The following ERO1A variants were observed in gnomAD, a reference collection of about 807,000 sequenced individuals.
The protein encoded by ERO1A is ERO1-like protein alpha.
ERO1A carries 49 observed loss-of-function variants against 76.9 expected under a neutral mutation model. The ratio of observed to expected loss-of-function variants is 0.64; its 90% CI spans 0.51 to 0.81. The LOEUF is 0.81. Ranked by LOEUF, ERO1A falls within the 30% of genes least tolerant of loss-of-function variation. ERO1A has a pLI of 0.00. For synonymous variants in ERO1A, 174 were observed against 181.2 expected (o/e 0.96, Z 0.32); for missense variants, 448 against 542.1 (o/e 0.83, Z 1.72).
chr14:52,686,713 T>C (rs1344090312), intron 1 of ERO1A, among the ~76,000 whole-genome samples: 1 of 151,978 alleles, frequency 6.6e-6, no homozygotes, highest in Non-Finnish European at 1.5e-5. Context: ...CTGTCTCCAC[T>C]AAAAATTCAA....
At chr14:52,668,879 G>A (rs1440078119) in intron 6 of ERO1A, among the ~76,000 whole-genome samples, 1 of 150,626 alleles carries the variant, frequency 6.6e-6, no homozygotes, top group Admixed American at 6.6e-5. Context: ...ATGATGCGCT[G>A]GTTCCTATCA....
intron 11 of ERO1A, among the ~76,000 whole-genome samples, chr14:52,656,583 G>A (rs1013667574): frequency 1.3e-5 from 2 of 151,720 alleles, no homozygotes; most frequent in Admixed American, 1.3e-4. Context: ...GTGGTGGCAT[G>A]CACCTGTGGT....
chr14:52,653,333 T>C lies in ERO1A; in HGVS notation c.809-18A>G. 6.6e-7 allele frequency: 1 copy of C among 1,517,182 alleles called. No individual in the cohort carries two copies. Among genetic ancestry groups the C allele is most frequent in the Non-Finnish European group, 8.9e-7 (1 of 1,124,712 alleles). The allele number at this position is 1,517,182 out of a possible 1,614,324, so 94.0% of individuals were successfully genotyped here. ...CCAGGTCTCTAAGAAGGAAGAAGAA[T>C]TAAATATTAAAAACTGAATTTGACA... is the stretch of plus-strand genomic sequence containing the variant. On this transcript the variant is annotated intron_variant, in intron 11 of 15. Coordinates refer to ENST00000395686, the MANE Select transcript of ERO1A (RefSeq NM_014584.3).
At chr14:52,644,770 G>A (rs1040888495) in intron 15 of ERO1A, among the ~76,000 whole-genome samples, 3 of 151,926 alleles carry the variant, frequency 2.0e-5, no homozygotes, top group Non-Finnish European at 2.9e-5. Flanking sequence ...ACTAATTTTT[G>A]TAAAGTAAAT....
intron 1 of ERO1A, 51 bp from the exon 2 acceptor site, chr14:52,683,958 G>A: frequency 6.9e-7 from 1 of 1,456,082 alleles, no homozygotes; most frequent in Non-Finnish European, 9.2e-7. Flanking sequence ...AATGCAACAG[G>A]GTTCTTTTTC....
rs1160599462 is a variant in ERO1A, at chr14:52,671,696, T to C, written c.442A>G (p.Thr148Ala). 2 of 1,604,162 alleles carry C rather than the reference T, an allele frequency of 1.2e-6. No homozygotes were observed. The highest frequency in any genetic ancestry group is 2.2e-5 in the East Asian group (1 of 44,666). The change falls in exon 6 of 16, where the codon ACA (threonine) becomes GCA (alanine). Residue 148 changes from threonine to alanine, a missense_variant. Physicochemically the swap from Thr to Ala is moderately conservative, Grantham distance 58. Around this residue, in one of 2 missense-constraint regions of ERO1A, gnomAD observed 302 missense variants for 411.9 expected, o/e 0.73. Transcript: ENST00000395686. ...GTCCACTGAAGAACAGCCTTCTGTG[T>C]TTCCTCACTTCAAACAAAGAAAAAA... is the stretch of plus-strand genomic sequence containing the variant. ...GAVDESLSEE[T>A]QKAVLQWTKH...
chr14:52,694,875 C>T (rs1418782616), intron 1 of ERO1A, among the ~76,000 whole-genome samples: 3 of 152,124 alleles, frequency 2.0e-5, no homozygotes, highest in Admixed American at 2.0e-4. Flanking sequence ...GGCTTACACA[C>T]AGAAAAACCG....
chr14:52,661,993 A>G (rs551898967), intron 8 of ERO1A, among the ~76,000 whole-genome samples: 1 of 152,104 alleles, frequency 6.6e-6, no homozygotes, highest in Admixed American at 6.5e-5. Flanking sequence ...ATTTTAGTGA[A>G]TATCTTTTTA....
At chr14:52,653,433 A>T in intron 11 of ERO1A, 118 bp from the exon 12 acceptor site, 1 of 701,114 alleles carries the variant, frequency 1.4e-6, no homozygotes, top group Non-Finnish European at 2.1e-6. Context: ...GTTATATAAT[A>T]ACAACCAAGA....
intron 15 of ERO1A, among the ~76,000 whole-genome samples, 161 bp from the exon 16 acceptor site, chr14:52,643,791 C>A (rs995973938): frequency 6.6e-6 from 1 of 151,962 alleles, no homozygotes. Flanking sequence ...GTTCTTAATT[C>A]GACAAGGTAA....
Position 52,683,034 on chromosome 14 carries a change from C to T in ERO1A, c.235-626G>A, listed in dbSNP as rs367774028. 4.9e-4 allele frequency among the ~76,000 whole-genome samples: 75 copies of T among 152,056 alleles called. 1 individual carries two copies. The East Asian group carries it at 5.8e-3, about 12-fold the overall frequency. On this transcript the variant is annotated intron_variant, in intron 2 of 15. Coordinates refer to ENST00000395686, the MANE Select transcript of ERO1A (RefSeq NM_014584.3). ...ACCAGCCTGGCCAGCACGGCAAAAC[C>T]CCATCTCCACTAAAAATACAAAAAT... is the stretch of plus-strand genomic sequence containing the variant.
At chr14:52,669,756 G>A (rs1439261448) in intron 6 of ERO1A, among the ~76,000 whole-genome samples, 2 of 152,106 alleles carry the variant, frequency 1.3e-5, no homozygotes, top group Non-Finnish European at 2.9e-5. Context: ...TTGGAAATAA[G>A]GAATTATAAC....
At chr14:52,645,367 A>C (rs1017615647) in intron 15 of ERO1A, among the ~76,000 whole-genome samples, 1 of 140,536 alleles carries the variant, frequency 7.1e-6, no homozygotes, top group African/African-American at 2.7e-5. Context: ...CAGTGGTATG[A>C]TCTCGGCTCA....
intron 15 of ERO1A, 123 bp downstream of exon 15, chr14:52,646,031 G>A (rs770681977): frequency 4.3e-5 from 49 of 1,142,038 alleles, no homozygotes; most frequent in Non-Finnish European, 5.1e-5. Flanking sequence ...CCAAAACTCC[G>A]TCTCAAAAAT....
rs1354962643 is a variant in ERO1A at position 52,653,188 on chromosome 14, T to C, written c.936A>G (p.Leu312=). The C allele has an allele frequency of 8.1e-6, 13 of 1,613,728 alleles. No homozygotes were observed. Among genetic ancestry groups the C allele is most frequent in the Non-Finnish European group, 1.1e-5 (13 of 1,179,772 alleles). Residue 312 remains leucine (L), a synonymous_variant, in exon 12 of 16, where the codon CTA becomes CTG. Transcript: ENST00000395686. ...ATGGTAACACTTTGGATAAAGCCCT[T>C]AGTTCTATTAAGTAGAGAAAATACA... ...KNLYFLYLIE[L]RALSKVLPFF... is the part of the protein sequence containing the mutation.
chr14:52,687,731 G>T lies in ERO1A; in HGVS notation c.115-3824C>A, dbSNP rs74484851. 5.7e-3 allele frequency among the ~76,000 whole-genome samples: 864 copies of T among 152,290 alleles called. 31 individuals carry two copies. The highest frequency in any genetic ancestry group is 0.05 in the Admixed American group (762 of 15,294). ...TTTTAAATGCTAATGTGTTTTAAAG[G>T]TTAGTATCCTAACATTTGAGGCTAA... On this transcript the variant is annotated intron_variant, in intron 1 of 15. Transcript: ENST00000395686.
At chr14:52,692,006 A>G (rs1193667596) in intron 1 of ERO1A, among the ~76,000 whole-genome samples, 3 of 152,260 alleles carry the variant, frequency 2.0e-5, no homozygotes, top group Non-Finnish European at 4.4e-5. Context: ...ACTAACAGGC[A>G]TATGTAGCAA....
At position 52,643,488 on chromosome 14, in the gene ERO1A, G is replaced by T; in HGVS notation, c.*82C>A. ...TATATAAAATGTTTGGCTTAAGACT[G>T]TCATTGCTATTATGCCTTTGAATGA... On this transcript the variant is annotated 3_prime_UTR_variant, in exon 16 of 16. Transcript: ENST00000395686. 2 of 888,942 alleles carry T rather than the reference G, an allele frequency of 2.2e-6. No individual in the cohort carries two copies. The highest frequency in any genetic ancestry group is 3.3e-6 in the Non-Finnish European group (2 of 601,556). 55.1% of individuals were successfully genotyped at this position (888,942 alleles called of 1,614,324 possible).
chr14:52,684,005 C>A, intron 1 of ERO1A, 98 bp from the exon 2 acceptor site: 1 of 819,966 alleles, frequency 1.2e-6, no homozygotes. Context: ...CCTACTCAAC[C>A]AGTCCTTATC....
Sources: gnomAD v4.1 joint callset for allele counts (sites outside exome capture counted in the v4.1 genomes callset) on GRCh38, gnomAD v4.1.1 for gene constraint, gnomAD v4.1.1 regional missense constraint, MANE v1.5 for transcripts, NCBI Gene and HGNC (gene_info 2026-07-23, HGNC 2026-07-21) for gene names.